Variants in SLC39A11 observed in about 807,000 individuals in gnomAD.
The protein encoded by SLC39A11 is zinc transporter ZIP11.
Under a neutral mutation model 36.1 loss-of-function variants are expected in SLC39A11, and 33 were observed. The observed-to-expected ratio is 0.91, with a 90% CI of 0.69 to 1.22. The LOEUF is 1.22. Ranked by LOEUF, SLC39A11 falls within the 50% of genes most tolerant of loss-of-function variation. The pLI, the probability that SLC39A11 is intolerant of heterozygous loss-of-function variation, is 0.00. For synonymous variants in SLC39A11, 166 were observed against 170.3 expected (o/e 0.97, Z 0.20); for missense variants, 432 against 430.3 (o/e 1.00, Z -0.03).
At chr17:72,670,208 C>T (rs1357172552) in intron 7 of SLC39A11, among the ~76,000 whole-genome samples, 6 of 89,858 alleles carry the variant, frequency 6.7e-5, no homozygotes, top group African/African-American at 9.8e-5. Context: ...CACACACACA[C>T]ACACATATAT....
intron 7 of SLC39A11, among the ~76,000 whole-genome samples, chr17:72,691,725 C>T (rs1247473727): frequency 6.6e-6 from 1 of 152,208 alleles, no homozygotes; most frequent in African/African-American, 2.4e-5. Flanking sequence ...TTGACTCACA[C>T]TGGAGTCATT....
chr17:72,808,586 T>C (rs914469249), intron 6 of SLC39A11, among the ~76,000 whole-genome samples: 2 of 152,198 alleles, frequency 1.3e-5, no homozygotes, highest in Non-Finnish European at 2.9e-5. Context: ...CTAGCTTGTT[T>C]TTCTATAATC....
intron 7 of SLC39A11, among the ~76,000 whole-genome samples, chr17:72,692,779 G>A (rs2072095970): frequency 6.6e-6 from 1 of 152,182 alleles, no homozygotes. Flanking sequence ...CAATGTCCAT[G>A]AGATACTTGT....
intron 3 of SLC39A11, among the ~76,000 whole-genome samples, chr17:73,060,210 C>CAAAAAAAAAAAAAAAAAAAGAAAAAAAA (rs2059797398): frequency 2.8e-5 from 2 of 70,350 alleles, no homozygotes; most frequent in Non-Finnish European, 5.3e-5. Flanking sequence ...AACTCCATCT[C>CAAAAAAAAAAAAAAAAAAAGAAAAAAAA]AAAAAAAAAA....
At chr17:72,695,210 T>C (rs2072236914) in intron 7 of SLC39A11, among the ~76,000 whole-genome samples, 1 of 152,196 alleles carries the variant, frequency 6.6e-6, no homozygotes, top group African/African-American at 2.4e-5. Context: ...CAGTGTCTCC[T>C]CCTCAAACAG....
At chr17:73,077,049 T>G (rs554327170) in intron 3 of SLC39A11, among the ~76,000 whole-genome samples, 18 of 152,178 alleles carry the variant, frequency 1.2e-4, no homozygotes, top group African/African-American at 4.3e-4. Context: ...TGCCCTCGGT[T>G]AAGAGTTACT....
chr17:72,804,788 C>T (rs994954164), intron 6 of SLC39A11, among the ~76,000 whole-genome samples: 13 of 152,208 alleles, frequency 8.5e-5, no homozygotes, highest in African/African-American at 2.4e-4. Context: ...TCTGGGAGGC[C>T]GAGGCAGCGG....
intron 7 of SLC39A11, among the ~76,000 whole-genome samples, chr17:72,689,041 G>A (rs2071890692): frequency 6.6e-6 from 1 of 152,100 alleles, no homozygotes; most frequent in Non-Finnish European, 1.5e-5. Context: ...TACCTGAGGT[G>A]GGCCAGCCAG....
At chr17:72,879,073 G>T (rs190076441) in intron 5 of SLC39A11, among the ~76,000 whole-genome samples, 2 of 152,358 alleles carry the variant, frequency 1.3e-5, no homozygotes, top group Non-Finnish European at 2.9e-5. Flanking sequence ...AATGCATAGG[G>T]AGGTTATATA....
intron 5 of SLC39A11, among the ~76,000 whole-genome samples, chr17:72,889,195 TTAAAA>T (rs1228811840): frequency 1.2e-4 from 18 of 152,094 alleles, no homozygotes; most frequent in African/African-American, 4.3e-4. Flanking sequence ...AGATGTGTAT[TTAAAA>T]TAAAATAAAA....
At chr17:72,951,732 G>A (rs532090844) in intron 4 of SLC39A11, among the ~76,000 whole-genome samples, 1 of 152,176 alleles carries the variant, frequency 6.6e-6, no homozygotes, top group East Asian at 1.9e-4. Flanking sequence ...GGTTTGTGCC[G>A]GGTGATGTTC....
intron 6 of SLC39A11, among the ~76,000 whole-genome samples, chr17:72,836,799 T>A (rs1004355842): frequency 6.6e-6 from 1 of 152,198 alleles, no homozygotes; most frequent in Non-Finnish European, 1.5e-5. Flanking sequence ...TATTTTATTA[T>A]GGTCAATGAT....
At chr17:72,984,375 AT>A (rs551239860) in intron 4 of SLC39A11, among the ~76,000 whole-genome samples, 2 of 25,646 alleles carry the variant, frequency 7.8e-5, no homozygotes, top group East Asian at 6.5e-3. Flanking sequence ...GAACTCAGAC[AT>A]TTAAAAAAAA....
intron 6 of SLC39A11, among the ~76,000 whole-genome samples, chr17:72,824,880 T>C (rs1283580748): frequency 6.6e-6 from 1 of 151,328 alleles, no homozygotes; most frequent in Non-Finnish European, 1.5e-5. Flanking sequence ...TATGGTCATA[T>C]GTGTGAGCAA....
chr17:72,840,847 A>C (rs556513089), intron 6 of SLC39A11, among the ~76,000 whole-genome samples: 1 of 152,046 alleles, frequency 6.6e-6, no homozygotes, highest in Admixed American at 6.6e-5. Context: ...CAAGGTCAGG[A>C]GATCAGGACC....
intron 6 of SLC39A11, among the ~76,000 whole-genome samples, chr17:72,830,598 G>C (rs982578175): frequency 1.3e-5 from 2 of 152,116 alleles, no homozygotes; most frequent in East Asian, 3.9e-4. Context: ...ACCATCCCCT[G>C]TCTCTAAGCA....
intron 3 of SLC39A11, chr17:73,067,771 C>T (rs148564462): frequency 3.9e-6 from 4 of 1,015,026 alleles, no homozygotes; most frequent in African/African-American, 1.6e-5. Context: ...GAATAGATCA[C>T]ATCTGTTAAG....
intron 6 of SLC39A11, among the ~76,000 whole-genome samples, chr17:72,747,431 C>T (rs1470603778): frequency 2.6e-5 from 4 of 152,176 alleles, no homozygotes; most frequent in South Asian, 2.1e-4. Context: ...GAATTACAGG[C>T]GTGAGCCACC....
Position 72,673,125 on chromosome 17 carries a change from C to T in SLC39A11, c.672-23857G>A, listed in dbSNP as rs190751001. ...GTTGTTGTTGTTGTGGTTTTTGAGA[C>T]AGAGTCTTGTCTTACTCTGTCACCC... On this transcript the variant is annotated intron_variant, in intron 7 of 9. Coordinates refer to ENST00000255559, the MANE Select transcript of SLC39A11 (RefSeq NM_139177.4). 1.8e-3 allele frequency among the ~76,000 whole-genome samples: 266 copies of T among 151,978 alleles called. 1 individual carries two copies. The highest frequency in any genetic ancestry group is 5.8e-3 in the African/African-American group (241 of 41,452).
Sources: gnomAD v4.1 joint callset for allele counts (sites outside exome capture counted in the v4.1 genomes callset) on GRCh38, gnomAD v4.1.1 for gene constraint, MANE v1.5 for transcripts, NCBI Gene and HGNC (gene_info 2026-07-23, HGNC 2026-07-21) for gene names.